Variants in PTPRD observed in about 807,000 individuals in gnomAD.
PTPRD encodes receptor-type tyrosine-protein phosphatase delta.
Under a neutral mutation model 214.5 loss-of-function variants are expected in PTPRD, and 34 were observed. The observed-to-expected ratio is 0.16, with a 90% CI of 0.12 to 0.21. PTPRD has a LOEUF of 0.21. PTPRD is among the 10% of genes least tolerant of loss of function. The pLI, the probability that PTPRD is intolerant of heterozygous loss-of-function variation, is 1.00. For missense variants in PTPRD, 2,545 were observed against 2,398.7 expected (o/e 1.06, Z -1.27); for synonymous variants, 1,128 against 845.7 (o/e 1.33, Z -5.79).
intron 2 of PTPRD, among the ~76,000 whole-genome samples, chr9:10,550,018 G>A (rs2060965868): frequency 6.6e-6 from 1 of 152,082 alleles, no homozygotes; most frequent in Non-Finnish European, 1.5e-5. Context: ...GATGAGGATG[G>A]ATAGGTTGGA....
intron 5 of PTPRD, among the ~76,000 whole-genome samples, chr9:9,781,526 T>G (rs1288873915): frequency 2.0e-5 from 3 of 152,164 alleles, no homozygotes; most frequent in African/African-American, 7.2e-5. Flanking sequence ...AGTTGCCTAA[T>G]TGAAGTATCA....
At chr9:10,259,231 A>G (rs1595558609) in intron 3 of PTPRD, among the ~76,000 whole-genome samples, 1 of 152,028 alleles carries the variant, frequency 6.6e-6, no homozygotes, top group South Asian at 2.1e-4. Context: ...TCACCGTGTT[A>G]GTCAGGATGG....
intron 7 of PTPRD, among the ~76,000 whole-genome samples, chr9:9,707,835 CCACA>C (rs1422156935): frequency 7.2e-5 from 11 of 151,966 alleles, no homozygotes; most frequent in Non-Finnish European, 1.6e-4. Context: ...AGTTATTTGT[CCACA>C]CAATCAATGA....
intron 3 of PTPRD, among the ~76,000 whole-genome samples, chr9:10,248,791 A>C (rs1156834395): frequency 6.6e-6 from 1 of 152,074 alleles, no homozygotes; most frequent in Non-Finnish European, 1.5e-5. Context: ...GTAGCTCAAA[A>C]ATCTTGTGTC....
At chr9:8,748,894 G>C (rs910977114) in intron 11 of PTPRD, among the ~76,000 whole-genome samples, 4 of 152,062 alleles carry the variant, frequency 2.6e-5, no homozygotes, top group African/African-American at 9.7e-5. Context: ...TGGGTAATAA[G>C]AGCAAAACTC....
chr9:8,412,636 CT>C (rs2093621578), intron 35 of PTPRD, among the ~76,000 whole-genome samples: 1 of 152,162 alleles, frequency 6.6e-6, no homozygotes, highest in Non-Finnish European at 1.5e-5. Flanking sequence ...TACCCTGTGA[CT>C]TGTATAAGAA....
intron 2 of PTPRD, among the ~76,000 whole-genome samples, chr9:10,611,554 CT>C (rs1488837861): frequency 6.6e-6 from 1 of 152,088 alleles, no homozygotes; most frequent in African/African-American, 2.4e-5. Context: ...TGTCCTACTT[CT>C]GTAAAAAGAA....
intron 39 of PTPRD, among the ~76,000 whole-genome samples, chr9:8,345,988 G>C (rs1857232037): frequency 6.6e-6 from 1 of 151,998 alleles, no homozygotes; most frequent in South Asian, 2.1e-4. Context: ...CTAAAGTGAT[G>C]CCTTTCTTTT....
At chr9:9,265,670 T>C (rs1021098830) in intron 9 of PTPRD, among the ~76,000 whole-genome samples, 25 of 151,506 alleles carry the variant, frequency 1.7e-4, no homozygotes, top group Non-Finnish European at 3.0e-4. Flanking sequence ...TCCTATTTTT[T>C]ATGTAAGCCT....
chr9:10,125,911 T>C (rs10809031), intron 3 of PTPRD, among the ~76,000 whole-genome samples: 12,597 of 152,158 alleles, frequency 0.083, 674 homozygotes, highest in Admixed American at 0.17. Flanking sequence ...TCTAAAGATA[T>C]GGTAATATAT....
At chr9:9,200,796 T>C (rs979105112) in intron 9 of PTPRD, among the ~76,000 whole-genome samples, 3 of 152,236 alleles carry the variant, frequency 2.0e-5, no homozygotes, top group Admixed American at 6.5e-5. Flanking sequence ...TTTATCTTTC[T>C]AACCAAAAAC....
At chr9:9,845,403 C>T (rs980084820) in intron 5 of PTPRD, among the ~76,000 whole-genome samples, 2 of 151,556 alleles carry the variant, frequency 1.3e-5, no homozygotes, top group Non-Finnish European at 1.5e-5. Context: ...AGGCAAGGAC[C>T]ACCAGGGCAT....
chr9:9,941,033 C>T lies in PTPRD; in HGVS notation c.-471-2423G>A, dbSNP rs2091314934. On this transcript the variant is annotated intron_variant, in intron 4 of 45. Coordinates refer to ENST00000381196, the MANE Select transcript of PTPRD (RefSeq NM_002839.4). ...AAAAAAAGAGTTGTCTTGGGCTACA[C>T]ATAAGATACACTAACACTAATGACA... Among the ~76,000 whole-genome samples the T allele has an allele frequency of 2.0e-5, 3 of 152,176 alleles. No homozygotes were observed. The South Asian group carries it at 6.2e-4, about 32-fold the overall frequency.
intron 3 of PTPRD, among the ~76,000 whole-genome samples, chr9:10,236,439 C>T (rs935833191): frequency 2.0e-5 from 3 of 151,812 alleles, no homozygotes; most frequent in Non-Finnish European, 2.9e-5. Flanking sequence ...CACTTCTTTC[C>T]ATCAATTCCA....
chr9:9,638,155 T>C (rs940311403), intron 7 of PTPRD, among the ~76,000 whole-genome samples: 1 of 152,234 alleles, frequency 6.6e-6, no homozygotes, highest in Non-Finnish European at 1.5e-5. Flanking sequence ...CTCAAAATAC[T>C]GCTTTATTCT....
intron 12 of PTPRD, among the ~76,000 whole-genome samples, chr9:8,662,478 T>C (rs777529211): frequency 4.6e-5 from 7 of 152,182 alleles, no homozygotes; most frequent in South Asian, 2.1e-4. Flanking sequence ...CATACAACTA[T>C]AGTCTATCTG....
intron 39 of PTPRD, among the ~76,000 whole-genome samples, chr9:8,373,612 G>GGTGTGT (rs36212158): frequency 8.3e-4 from 117 of 141,564 alleles, no homozygotes; most frequent in Middle Eastern, 3.5e-3. Context: ...CATGGATGCG[G>GGTGTGT]GTGTGTGTGT....
chr9:9,448,572 TA>T (rs1569568421), intron 8 of PTPRD, among the ~76,000 whole-genome samples: 1 of 152,086 alleles, frequency 6.6e-6, no homozygotes, highest in Non-Finnish European at 1.5e-5. Context: ...CTTTCCTTCA[TA>T]AATAACCCAG....
At chr9:8,554,425 T>C (rs1315193444) in intron 14 of PTPRD, among the ~76,000 whole-genome samples, 3 of 152,168 alleles carry the variant, frequency 2.0e-5, no homozygotes, top group Admixed American at 2.0e-4. Context: ...AGTCCTTGTT[T>C]TCCTCTAAAT....
Sources: allele counts gnomAD v4.1 joint callset (sites outside exome capture counted in the v4.1 genomes callset), GRCh38; gene constraint gnomAD v4.1.1; transcripts MANE v1.5; gene names NCBI Gene and HGNC (gene_info 2026-07-23, HGNC 2026-07-21).